CADM2: variants seen among roughly 807,000 people sequenced by gnomAD.
The protein encoded by CADM2 is cell adhesion molecule 2, also known as immunoglobulin superfamily member 4D.
In CADM2, 12 loss-of-function variants were observed where a neutral mutation model predicts 49.8. That is an observed-to-expected ratio of 0.24 (90% confidence interval 0.15 to 0.39). The LOEUF is 0.39. Among genes scored for constraint, CADM2 ranks in the 10% least tolerant of loss-of-function variants. CADM2 has a pLI of 1.00. For synonymous variants in CADM2, 214 were observed against 175.4 expected, an observed-to-expected ratio of 1.22 and a Z score of -1.74; for missense variants, 378 against 492.3, an observed-to-expected ratio of 0.77 and a Z score of 2.20.
intron 2 of CADM2, among the ~76,000 whole-genome samples, chr3:85,799,819 C>G (rs911008367): frequency 7.9e-5 from 12 of 152,314 alleles, no homozygotes; most frequent in African/African-American, 2.9e-4. Flanking sequence ...AGGTGTCTGT[C>G]AACCACTGCT....
At chr3:85,642,585 T>C (rs573697215) in intron 1 of CADM2, among the ~76,000 whole-genome samples, 1 of 152,236 alleles carries the variant, frequency 6.6e-6, no homozygotes, top group South Asian at 2.1e-4. Context: ...ATGATAAAAT[T>C]TTTAGGAAAA....
chr3:85,665,798 T>G (rs1321868359), intron 1 of CADM2, among the ~76,000 whole-genome samples: 1 of 152,008 alleles, frequency 6.6e-6, no homozygotes, highest in Non-Finnish European at 1.5e-5. Context: ...GGCTGTAATA[T>G]GATTCTCCCG....
intron 1 of CADM2, among the ~76,000 whole-genome samples, chr3:85,215,654 T>A (rs1326603068): frequency 1.3e-5 from 2 of 152,152 alleles, no homozygotes; most frequent in East Asian, 3.9e-4. Context: ...AGGAATTGCA[T>A]TTCTTGAGGC....
At chr3:85,803,326 G>A (rs887801678) in intron 3 of CADM2, among the ~76,000 whole-genome samples, 1 of 152,038 alleles carries the variant, frequency 6.6e-6, no homozygotes, top group Non-Finnish European at 1.5e-5. Context: ...TGCCTTTTTA[G>A]GGAATACAGT....
intron 1 of CADM2, among the ~76,000 whole-genome samples, chr3:85,545,016 A>G (rs1047222896): frequency 4.6e-5 from 7 of 152,086 alleles, no homozygotes; most frequent in African/African-American, 1.7e-4. Flanking sequence ...CAAAACCTAT[A>G]CACTGGCTCT....
intron 7 of CADM2, among the ~76,000 whole-genome samples, chr3:85,948,335 C>G (rs190009034): frequency 2.6e-5 from 4 of 151,016 alleles, no homozygotes; most frequent in African/African-American, 9.7e-5. Flanking sequence ...GCATTTTTTT[C>G]GTAACATGTA....
intron 3 of CADM2, among the ~76,000 whole-genome samples, chr3:85,835,748 A>G (rs985465013): frequency 7.9e-6 from 1 of 127,024 alleles, no homozygotes. Context: ...TGCTATATGT[A>G]TATAATATAT....
At chr3:85,605,045 A>C (rs1172698110) in intron 1 of CADM2, among the ~76,000 whole-genome samples, 2 of 152,036 alleles carry the variant, frequency 1.3e-5, no homozygotes, top group Non-Finnish European at 2.9e-5. Context: ...AATAAGTAGA[A>C]CATTGGCACT....
rs1306967515 is a variant in CADM2 at position 86,072,448 on chromosome 3, A to G, written c.*5665A>G. 2.0e-5 allele frequency: 3 copies of G among 152,034 alleles called. No homozygotes were observed. Among genetic ancestry groups the G allele is most frequent in the Non-Finnish European group, 4.4e-5 (3 of 67,966 alleles). The allele number at this position is 152,034 out of a possible 1,614,324, so 9.4% of individuals were successfully genotyped here. ...AAAACACTATTTTCCCCTACGAAAT[A>G]TACTGTATATTTCAAAAGAAGAAAA... is the stretch of plus-strand genomic sequence containing the variant. On this transcript the variant is annotated 3_prime_UTR_variant, in exon 10 of 10. Coordinates refer to ENST00000383699, the MANE Select transcript of CADM2 (RefSeq NM_001167675.2).
chr3:85,194,665 A>G (rs1378294640), intron 1 of CADM2, among the ~76,000 whole-genome samples: 1 of 152,068 alleles, frequency 6.6e-6, no homozygotes, highest in Non-Finnish European at 1.5e-5. Context: ...AATCTGTGGC[A>G]GAAAGAAATC....
intron 1 of CADM2, among the ~76,000 whole-genome samples, chr3:85,622,863 A>G (rs151244566): frequency 6.6e-6 from 1 of 152,034 alleles, no homozygotes; most frequent in Non-Finnish European, 1.5e-5. Flanking sequence ...AGTGTCTGCA[A>G]ATTTTTTTTG....
chr3:85,528,646 A>G (rs987710217), intron 1 of CADM2, among the ~76,000 whole-genome samples: 1 of 152,220 alleles, frequency 6.6e-6, no homozygotes, highest in Non-Finnish European at 1.5e-5. Flanking sequence ...TGCTGCAGAT[A>G]ATACTAATAC....
intron 8 of CADM2, among the ~76,000 whole-genome samples, chr3:85,995,977 C>G (rs1285408307): frequency 6.6e-6 from 1 of 151,594 alleles, no homozygotes; most frequent in Non-Finnish European, 1.5e-5. Flanking sequence ...GTAGTCCCAG[C>G]TACTCGGGAG....
At chr3:85,497,998 T>A (rs529078233) in intron 1 of CADM2, among the ~76,000 whole-genome samples, 2 of 152,114 alleles carry the variant, frequency 1.3e-5, no homozygotes, top group South Asian at 2.1e-4. Flanking sequence ...ATCTGTAACC[T>A]CAATATTAAC....
At chr3:85,144,898 T>A (rs1042556638) in intron 1 of CADM2, among the ~76,000 whole-genome samples, 1 of 152,210 alleles carries the variant, frequency 6.6e-6, no homozygotes, top group Non-Finnish European at 1.5e-5. Flanking sequence ...GAGCAAGTCT[T>A]TTAACTACTC....
At chr3:85,983,602 C>A (rs1032074937) in intron 8 of CADM2, among the ~76,000 whole-genome samples, 4 of 151,632 alleles carry the variant, frequency 2.6e-5, no homozygotes, top group Non-Finnish European at 4.4e-5. Context: ...TGTTTACCAG[C>A]AGTTGTATCA....
chr3:86,051,801 C>T (rs867217134), intron 8 of CADM2, among the ~76,000 whole-genome samples: 1 of 152,120 alleles, frequency 6.6e-6, no homozygotes, highest in South Asian at 2.1e-4. Context: ...AGAACTCACT[C>T]ACTCACTATC....
At chr3:85,822,688 A>G (rs189924254) in intron 3 of CADM2, among the ~76,000 whole-genome samples, 25 of 152,302 alleles carry the variant, frequency 1.6e-4, no homozygotes, top group Admixed American at 1.6e-3. Flanking sequence ...AGCCTGCTCC[A>G]GTATTTATCC....
chr3:85,268,307 T>C (rs1379716136), intron 1 of CADM2, among the ~76,000 whole-genome samples: 1 of 151,528 alleles, frequency 6.6e-6, no homozygotes, highest in Non-Finnish European at 1.5e-5. Flanking sequence ...TTATTTAATT[T>C]AAACTATATT....
Sources: gnomAD v4.1 joint callset for allele counts (sites outside exome capture counted in the v4.1 genomes callset) on GRCh38, gnomAD v4.1.1 for gene constraint, MANE v1.5 for transcripts, NCBI Gene and HGNC (gene_info 2026-07-23, HGNC 2026-07-21) for gene names.